Variants in PCCA observed in about 807,000 individuals in gnomAD.
PCCA encodes the protein propionyl-CoA carboxylase subunit alpha, also known as propionyl-CoA carboxylase alpha chain, mitochondrial.
PCCA carries 74 observed loss-of-function variants against 101.3 expected under a neutral mutation model. The observed-to-expected ratio is 0.73, with a 90% CI of 0.61 to 0.89. The LOEUF (loss-of-function observed/expected upper bound fraction) is 0.89. Among genes scored for constraint, PCCA ranks in the 40% least tolerant of loss-of-function variants. The pLI is 0.00. For missense variants in PCCA, 891 were observed against 907.0 expected, an observed-to-expected ratio of 0.98 and a Z score of 0.23; for synonymous variants, 294 against 313.6, an observed-to-expected ratio of 0.94 and a Z score of 0.66.
intron 21 of PCCA, chr13:100,491,563 A>C: frequency 2.9e-6 from 2 of 696,180 alleles, no homozygotes. Flanking sequence ...CACTGCAAAC[A>C]GCTGCAAAAT....
chr13:100,189,503 T>G (rs946282657), intron 6 of PCCA, among the ~76,000 whole-genome samples: 2 of 152,230 alleles, frequency 1.3e-5, no homozygotes, highest in African/African-American at 4.8e-5. Context: ...ATTAGTCGTT[T>G]GTTGGATGTT....
chr13:100,346,544 G>A (rs1220076485), intron 18 of PCCA, among the ~76,000 whole-genome samples: 3 of 152,196 alleles, frequency 2.0e-5, no homozygotes, highest in Non-Finnish European at 4.4e-5. Flanking sequence ...TGGTGAAGAT[G>A]CTGTGAACAT....
At chr13:100,389,533 C>T (rs1250310646) in intron 19 of PCCA, among the ~76,000 whole-genome samples, 3 of 152,030 alleles carry the variant, frequency 2.0e-5, no homozygotes, top group Non-Finnish European at 4.4e-5. Flanking sequence ...AGGCTTAATA[C>T]CTAGGTGATG....
At chr13:100,384,108 T>G (rs2076373250) in intron 19 of PCCA, among the ~76,000 whole-genome samples, 1 of 151,990 alleles carries the variant, frequency 6.6e-6, no homozygotes, top group South Asian at 2.1e-4. Context: ...TCACTGCAAC[T>G]TCCACCTCCC....
At chr13:100,126,150 T>G (rs1005992417) in intron 4 of PCCA, among the ~76,000 whole-genome samples, 6 of 152,240 alleles carry the variant, frequency 3.9e-5, no homozygotes, top group African/African-American at 1.4e-4. Flanking sequence ...ACACAATCAT[T>G]GCCAAATTCA....
At chr13:100,490,399 T>C (rs2084814681) in intron 21 of PCCA, 1 of 152,176 alleles carries the variant, frequency 6.6e-6, no homozygotes, top group Non-Finnish European at 1.5e-5. Flanking sequence ...ATAAATCCCA[T>C]TCCTGCATCA....
chr13:100,172,482 G>C (rs992020214), intron 6 of PCCA, among the ~76,000 whole-genome samples: 5 of 152,094 alleles, frequency 3.3e-5, no homozygotes, highest in Admixed American at 2.6e-4. Flanking sequence ...ATTTGTTTCT[G>C]TAATTTTTAT....
At chr13:100,106,753 T>C (rs1566480076) in intron 2 of PCCA, among the ~76,000 whole-genome samples, 1 of 152,054 alleles carries the variant, frequency 6.6e-6, no homozygotes, top group African/African-American at 2.4e-5. Flanking sequence ...GGGATAAAGG[T>C]GTAGAAGTGG....
At chr13:100,344,552 C>A (rs998680282) in intron 18 of PCCA, among the ~76,000 whole-genome samples, 1 of 152,140 alleles carries the variant, frequency 6.6e-6, no homozygotes, top group Non-Finnish European at 1.5e-5. Flanking sequence ...ATCAAATGCA[C>A]ACAGTTTTAG....
rs375554722 is a variant in PCCA, at chr13:100,232,351, CGTGT to C, written c.601-3453_601-3450del. 3.2e-3 allele frequency among the ~76,000 whole-genome samples: 414 copies of C among 131,232 alleles called. 2 individuals carry two copies. Among genetic ancestry groups the C allele is most frequent in the African/African-American group, 5.0e-3 (174 of 34,652 alleles). The allele number at this position is 131,232 out of a possible 152,430, so 86.1% of individuals were successfully genotyped here. A position where few individuals can be genotyped will look rare whatever the true frequency, so the allele number is the denominator to read the frequency against. On this transcript the variant is annotated intron_variant, in intron 7 of 23. Transcript: ENST00000376285. The stretch of plus-strand genomic sequence containing the variant: ...TTATGTTTATGTGTGTGTGTGTATG[CGTGT>C]GTGTGTGTGTGTGTGTGTGTGTGTG...
At chr13:100,408,826 A>G (rs2152866009) in intron 19 of PCCA, among the ~76,000 whole-genome samples, 1 of 152,366 alleles carries the variant, frequency 6.6e-6, no homozygotes, top group East Asian at 1.9e-4. Flanking sequence ...TTTCTAAAAG[A>G]GAAAAAACTT....
At chr13:100,424,011 C>T (rs1432578854) in intron 19 of PCCA, among the ~76,000 whole-genome samples, 2 of 152,166 alleles carry the variant, frequency 1.3e-5, no homozygotes, top group African/African-American at 4.8e-5. Context: ...GGCCCATGGG[C>T]TCTGCATCTG....
intron 21 of PCCA, among the ~76,000 whole-genome samples, chr13:100,495,308 AG>A (rs1218839401): frequency 6.6e-6 from 1 of 152,164 alleles, no homozygotes; most frequent in Non-Finnish European, 1.5e-5. Context: ...AATGTCTCGT[AG>A]CCCCTATAGC....
At chr13:100,280,517 C>A (rs925934119) in intron 12 of PCCA, among the ~76,000 whole-genome samples, 3 of 152,130 alleles carry the variant, frequency 2.0e-5, no homozygotes, top group African/African-American at 7.2e-5. Flanking sequence ...CCTGCACACC[C>A]ACACCACACA....
intron 12 of PCCA, among the ~76,000 whole-genome samples, chr13:100,279,790 A>G (rs1471762198): frequency 6.6e-6 from 1 of 152,152 alleles, no homozygotes; most frequent in Admixed American, 6.5e-5. Flanking sequence ...TTCTTTTAAT[A>G]GTAGACATTC....
At chr13:100,479,691 A>G (rs1255244925) in intron 21 of PCCA, 1 of 152,226 alleles carries the variant, frequency 6.6e-6, no homozygotes, top group Non-Finnish European at 1.5e-5. Context: ...CAGCGGAGTC[A>G]TAAGAAAATG....
In PCCA at chr13:100,394,272, G is replaced by A. The variant is rs1039203633; in HGVS notation, c.1746+25698G>A. Among the ~76,000 whole-genome samples, 2 of 152,204 alleles carry A rather than the reference G, an allele frequency of 1.3e-5. No individual in the cohort carries two copies. The highest frequency in any genetic ancestry group is 4.8e-5 in the African/African-American group (2 of 41,450). On this transcript the variant is annotated intron_variant, in intron 19 of 23. Coordinates refer to ENST00000376285, the MANE Select transcript of PCCA (RefSeq NM_000282.4). The surrounding 1 kb of genome is among the most constrained non-coding windows in gnomAD (Gnocchi z 4.3). Reference sequence around the variant, plus strand: ...TCAAACGGGTTTCTTCAAAGAAAGAGGGGTTTAGGGTTCTATGTTGTACTG... The same window carrying A: ...TCAAACGGGTTTCTTCAAAGAAAGAAGGGTTTAGGGTTCTATGTTGTACTG...
intron 18 of PCCA, among the ~76,000 whole-genome samples, chr13:100,362,170 G>A (rs1466636698): frequency 1.3e-5 from 2 of 152,084 alleles, no homozygotes; most frequent in East Asian, 3.9e-4. Flanking sequence ...GTGAAGCTCA[G>A]AACAGGCAAG....
At chr13:100,368,901 G>A (rs1321031882) in intron 19 of PCCA, among the ~76,000 whole-genome samples, 1 of 152,120 alleles carries the variant, frequency 6.6e-6, no homozygotes, top group Non-Finnish European at 1.5e-5. Flanking sequence ...GTGGTGGTAG[G>A]TAACCATCCT....
Sources: gnomAD v4.1 joint callset for allele counts (sites outside exome capture counted in the v4.1 genomes callset) on GRCh38, gnomAD v4.1.1 for gene constraint, Gnocchi (gnomAD v3.1) non-coding constraint, MANE v1.5 for transcripts, NCBI Gene and HGNC (gene_info 2026-07-23, HGNC 2026-07-21) for gene names.